KCNQ1: variants seen among roughly 807,000 people sequenced by gnomAD.
KCNQ1 encodes potassium voltage-gated channel subfamily Q member 1, also known as potassium voltage-gated channel subfamily KQT member 1.
A neutral mutation model predicts 72.4 loss-of-function variants in KCNQ1; 49 were observed. That is an observed-to-expected ratio of 0.68 (90% confidence interval 0.54 to 0.86). KCNQ1 has a LOEUF of 0.86. KCNQ1 is among the 40% of genes least tolerant of loss of function. The pLI is 0.00. For missense variants in KCNQ1, 790 were observed against 945.1 expected, an observed-to-expected ratio of 0.84 and a Z score of 2.15; for synonymous variants, 450 against 412.6, an observed-to-expected ratio of 1.09 and a Z score of -1.10.
intron 2 of KCNQ1, among the ~76,000 whole-genome samples, chr11:2,561,512 G>A (rs773152113): frequency 1.1e-4 from 16 of 152,146 alleles, no homozygotes; most frequent in Admixed American, 2.0e-4. Flanking sequence ...TTGTCATTTC[G>A]CCCTCCCCAC....
chr11:2,730,161 A>AC (rs1190176893), intron 11 of KCNQ1, among the ~76,000 whole-genome samples: 4 of 152,182 alleles, frequency 2.6e-5, no homozygotes, highest in African/African-American at 9.7e-5. Context: ...GCTGGGACAG[A>AC]CCTGGCAGAC....
At chr11:2,743,575 G>A (rs1011925312) in intron 11 of KCNQ1, among the ~76,000 whole-genome samples, 3 of 152,168 alleles carry the variant, frequency 2.0e-5, no homozygotes, top group African/African-American at 7.2e-5. Context: ...GAATCCCTAC[G>A]CCAGTCCCTG....
intron 1 of KCNQ1, among the ~76,000 whole-genome samples, chr11:2,502,706 A>C (rs1159169180): frequency 6.6e-6 from 1 of 152,250 alleles, no homozygotes. Context: ...ATATGGAATC[A>C]CTAAAGTCCC....
chr11:2,756,254 C>T (rs532476992), intron 11 of KCNQ1, among the ~76,000 whole-genome samples: 129 of 152,216 alleles, frequency 8.5e-4, no homozygotes, highest in African/African-American at 2.5e-3. Flanking sequence ...ACAAGCTCCA[C>T]GTGCAACCAG....
At position 2,588,440 on chromosome 11, in the gene KCNQ1, C is replaced by T. The variant is rs1848625014; in HGVS notation, c.1252-273C>T. On this transcript the variant is annotated intron_variant, in intron 9 of 15. Transcript: ENST00000155840. The surrounding 1 kb of genome is among the most constrained non-coding windows in gnomAD (Gnocchi z 5.6). ...CAGCCCCTGTTACCACCTCCACTGGCACCATCTTGTACGTTTATCTGCTTC... is the reference window on the plus strand; with the variant it reads ...CAGCCCCTGTTACCACCTCCACTGGTACCATCTTGTACGTTTATCTGCTTC... Among the ~76,000 whole-genome samples, 1 of 152,198 alleles carries T rather than the reference C, an allele frequency of 6.6e-6. No individual in the cohort carries two copies. Among genetic ancestry groups the T allele is most frequent in the Non-Finnish European group, 1.5e-5 (1 of 68,022 alleles).
chr11:2,489,790 C>A (rs1391481261), intron 1 of KCNQ1, among the ~76,000 whole-genome samples: 6 of 152,128 alleles, frequency 3.9e-5, no homozygotes, highest in Admixed American at 6.5e-5. Flanking sequence ...GAATCCACTG[C>A]CTTGGAGGGA....
intron 10 of KCNQ1, chr11:2,660,793 A>T: frequency 2.5e-6 from 1 of 398,640 alleles, no homozygotes; most frequent in Non-Finnish European, 4.4e-6. Context: ...TGGGAAAGCA[A>T]TCTAGCAACA....
At chr11:2,519,228 G>A (rs532110930) in intron 1 of KCNQ1, among the ~76,000 whole-genome samples, 15 of 152,332 alleles carry the variant, frequency 9.8e-5, no homozygotes, top group Admixed American at 3.3e-4. Flanking sequence ...GCCATGTCCC[G>A]CCTGTGCCGG....
intron 1 of KCNQ1, among the ~76,000 whole-genome samples, chr11:2,460,887 C>A (rs563128950): frequency 2.0e-4 from 31 of 152,224 alleles, no homozygotes; most frequent in Non-Finnish European, 4.1e-4. Context: ...TTGAGGGTTG[C>A]TGCCTGTGCA....
At chr11:2,534,424 A>G (rs930183479) in intron 2 of KCNQ1, among the ~76,000 whole-genome samples, 2 of 152,240 alleles carry the variant, frequency 1.3e-5, no homozygotes, top group Middle Eastern at 3.2e-3. Context: ...TTGGGGAACC[A>G]GTGGGTGACT....
chr11:2,652,463 C>G lies in KCNQ1; in HGVS notation c.1394-9498C>G, dbSNP rs1052544287. ...TTTTTTGTTTTCTCCATCCAAAGAC[C>G]TCCAGAAACTTTCCTCCCCACCTCT... On this transcript the variant is annotated intron_variant, in intron 10 of 15. Transcript: ENST00000155840. This position sits in a 1 kb window ranked among gnomAD's most constrained non-coding sequence, Gnocchi z 5.9. The G allele has an allele frequency of 5.0e-6, 2 of 398,494 alleles. No individual in the cohort carries two copies. Among genetic ancestry groups the G allele is most frequent in the African/African-American group, 4.1e-5 (2 of 48,606 alleles). The allele number at this position is 398,494 out of a possible 1,614,324, so 24.7% of individuals were successfully genotyped here.
At chr11:2,798,660 G>C (rs978785616) in intron 15 of KCNQ1, among the ~76,000 whole-genome samples, 1 of 152,002 alleles carries the variant, frequency 6.6e-6, no homozygotes, top group Non-Finnish European at 1.5e-5. Context: ...ATCCTTGCAG[G>C]TATCAAATTA....
chr11:2,740,905 G>C (rs950060707), intron 11 of KCNQ1, among the ~76,000 whole-genome samples: 1 of 152,346 alleles, frequency 6.6e-6, no homozygotes, highest in East Asian at 1.9e-4. Flanking sequence ...AGAGAACCCA[G>C]GATTTTCTCC....
At position 2,571,416 on chromosome 11, in the gene KCNQ1, C is replaced by T; in HGVS notation, c.683+13C>T. ...CGTCGGCCATCAGGTGCGTCTGTGC[C>T]ACAAGCTCCCCCCGCCATGCCGCCC... On this transcript the variant is annotated intron_variant, in intron 4 of 15. Coordinates refer to ENST00000155840, the MANE Select transcript of KCNQ1 (RefSeq NM_000218.3). 6.2e-7 allele frequency: 1 copy of T among 1,606,158 alleles called. No individual in the cohort carries two copies. Among genetic ancestry groups the T allele is most frequent in the Non-Finnish European group, 8.5e-7 (1 of 1,178,074 alleles).
In KCNQ1 at chr11:2,484,033, A is replaced by G. The variant is rs537061846; in HGVS notation, c.386+38549A>G. 6.6e-5 allele frequency among the ~76,000 whole-genome samples: 10 copies of G among 152,248 alleles called. No individual in the cohort carries two copies. Among genetic ancestry groups the G allele is most frequent in the Middle Eastern group, 3.4e-3 (1 of 294 alleles). ...TTTCTTTCTATGTTTGTTAATTTGG[A>G]TTCTTCTCCAGGAAGAGCTGTCCCC... On this transcript the variant is annotated intron_variant, in intron 1 of 15. Coordinates refer to ENST00000155840, the MANE Select transcript of KCNQ1 (RefSeq NM_000218.3). The surrounding 1 kb of genome is among the most constrained non-coding windows in gnomAD (Gnocchi z 5.2).
chr11:2,749,388 G>A (rs1334664497), intron 11 of KCNQ1, among the ~76,000 whole-genome samples: 1 of 152,062 alleles, frequency 6.6e-6, no homozygotes. Context: ...CTGGGAATGG[G>A]GGATCCCAAG....
chr11:2,748,958 A>G lies in KCNQ1; in HGVS notation c.1515-19886A>G, dbSNP rs1196270091. 6.6e-6 allele frequency among the ~76,000 whole-genome samples: 1 copy of G among 152,130 alleles called. No homozygotes were observed. The highest frequency in any genetic ancestry group is 1.5e-5 in the Non-Finnish European group (1 of 68,024). On this transcript the variant is annotated intron_variant, in intron 11 of 15. Coordinates refer to ENST00000155840, the MANE Select transcript of KCNQ1 (RefSeq NM_000218.3). This position sits in a 1 kb window ranked among gnomAD's most constrained non-coding sequence, Gnocchi z 6.2. ...TCTAACTGGGGCTGTGCTGCCTTTG[A>G]CGTGAGCTATTCAAAATGGCGGGAG...
chr11:2,515,963 A>T lies in KCNQ1; in HGVS notation c.387-11965A>T, dbSNP rs980869289. On this transcript the variant is annotated intron_variant, in intron 1 of 15. Transcript: ENST00000155840. The surrounding 1 kb of genome is among the most constrained non-coding windows in gnomAD (Gnocchi z 4.7). ...CCACCTCTATGTGTGCCATGGCTGC[A>T]GTGACAGCCCAGACCCCAGGGGCCG... is the stretch of plus-strand genomic sequence containing the variant. 6.6e-6 allele frequency among the ~76,000 whole-genome samples: 1 copy of T among 151,822 alleles called. No individual in the cohort carries two copies. The highest frequency in any genetic ancestry group is 1.5e-5 in the Non-Finnish European group (1 of 67,956).
At position 2,733,814 on chromosome 11, in the gene KCNQ1, A is replaced by ACACACT; in HGVS notation, c.1515-35029_1515-35028insACACTC. 2.7e-4 allele frequency among the ~76,000 whole-genome samples: 23 copies of ACACACT among 86,644 alleles called. 1 individual carries two copies. In the East Asian group the frequency reaches 2.9e-3, roughly 11 times the overall value. 56.8% of individuals were successfully genotyped at this position (86,644 alleles called of 152,430 possible). A position where few individuals can be genotyped will look rare whatever the true frequency, so the allele number is the denominator to read the frequency against. On this transcript the variant is annotated intron_variant, in intron 11 of 15. Transcript: ENST00000155840. ...CACACACACACACACACACACACAC[A>ACACACT]CTCTCTCACTCTCTCTCTCTCTCTC...
Sources: gnomAD v4.1 joint callset for allele counts (sites outside exome capture counted in the v4.1 genomes callset) on GRCh38, gnomAD v4.1.1 for gene constraint, Gnocchi (gnomAD v3.1) non-coding constraint, MANE v1.5 for transcripts, NCBI Gene and HGNC (gene_info 2026-07-23, HGNC 2026-07-21) for gene names.